LDB2: variants seen among roughly 807,000 people sequenced by gnomAD.
LDB2 encodes the protein LIM domain-binding protein 2.
A neutral mutation model predicts 44.3 loss-of-function variants in LDB2; 12 were observed. The ratio of observed to expected loss-of-function variants is 0.27; its 90% confidence interval spans 0.17 to 0.44. The LOEUF is 0.44. LDB2 is among the 20% of genes least tolerant of loss of function. LDB2 has a pLI of 1.00. For missense variants in LDB2, 344 were observed against 473.5 expected (o/e 0.73, Z 2.54); for synonymous variants, 164 against 174.8 (o/e 0.94, Z 0.49).
At chr4:16,754,218 G>A (rs1361739545) in intron 2 of LDB2, among the ~76,000 whole-genome samples, 1 of 152,164 alleles carries the variant, frequency 6.6e-6, no homozygotes, top group Non-Finnish European at 1.5e-5. Context: ...AGAAGCGAGA[G>A]TGGGTTTCTG....
intron 2 of LDB2, among the ~76,000 whole-genome samples, chr4:16,735,439 A>C (rs1471165106): frequency 1.3e-5 from 2 of 152,168 alleles, no homozygotes; most frequent in Non-Finnish European, 2.9e-5. Flanking sequence ...TCCACATTTT[A>C]ATGTGTAGTT....
At chr4:16,791,912 T>C (rs1477292425) in intron 1 of LDB2, among the ~76,000 whole-genome samples, 1 of 152,220 alleles carries the variant, frequency 6.6e-6, no homozygotes. Context: ...TGGTGGTACC[T>C]ATTTACATGG....
chr4:16,854,217 G>A (rs1328680923), intron 1 of LDB2, among the ~76,000 whole-genome samples: 1 of 151,864 alleles, frequency 6.6e-6, no homozygotes, highest in East Asian at 1.9e-4. Flanking sequence ...TACTATAGTA[G>A]CCTTTATACT....
At chr4:16,767,967 G>A (rs1769728709) in intron 1 of LDB2, among the ~76,000 whole-genome samples, 1 of 152,128 alleles carries the variant, frequency 6.6e-6, no homozygotes, top group Admixed American at 6.5e-5. Flanking sequence ...ATTCTCTCCT[G>A]TTCCCAACCC....
chr4:16,717,030 T>G (rs1757196286), intron 2 of LDB2, among the ~76,000 whole-genome samples: 1 of 151,986 alleles, frequency 6.6e-6, no homozygotes, highest in African/African-American at 2.4e-5. Flanking sequence ...TAAAAGACTT[T>G]AATATATTAG....
intron 1 of LDB2, among the ~76,000 whole-genome samples, chr4:16,881,824 T>C (rs891065177): frequency 6.6e-6 from 1 of 152,160 alleles, no homozygotes; most frequent in African/African-American, 2.4e-5. Context: ...TAGATTACAA[T>C]AAGTTAAGAG....
At chr4:16,557,118 C>T (rs181879856) in intron 5 of LDB2, among the ~76,000 whole-genome samples, 8 of 152,272 alleles carry the variant, frequency 5.3e-5, no homozygotes, top group East Asian at 1.9e-4. Flanking sequence ...ATAGGAACAG[C>T]GCCGGTCTAT....
chr4:16,535,983 A>G (rs143107516), intron 5 of LDB2, among the ~76,000 whole-genome samples: 2 of 152,316 alleles, frequency 1.3e-5, no homozygotes, highest in Non-Finnish European at 2.9e-5. Context: ...CTTGCAAATA[A>G]GCCTCAAGGT....
At chr4:16,809,142 C>G (rs1779311559) in intron 1 of LDB2, among the ~76,000 whole-genome samples, 1 of 152,112 alleles carries the variant, frequency 6.6e-6, no homozygotes. Context: ...TTGAAAAGAG[C>G]CTGGGCCCCT....
intron 5 of LDB2, among the ~76,000 whole-genome samples, chr4:16,549,936 G>A (rs530021693): frequency 3.9e-5 from 6 of 152,316 alleles, no homozygotes; most frequent in Admixed American, 2.6e-4. Flanking sequence ...CAAGTGGTGT[G>A]CAAGTCACCT....
chr4:16,504,827 A>G (rs1455591946), intron 7 of LDB2, among the ~76,000 whole-genome samples: 2 of 152,252 alleles, frequency 1.3e-5, no homozygotes, highest in African/African-American at 4.8e-5. Flanking sequence ...GATGGAAAGA[A>G]TAGGGCTAGG....
intron 1 of LDB2, among the ~76,000 whole-genome samples, chr4:16,808,176 C>T (rs1779144634): frequency 6.6e-6 from 1 of 152,142 alleles, no homozygotes; most frequent in South Asian, 2.1e-4. Context: ...TTCCGATACG[C>T]CCCTCTGGAA....
intron 1 of LDB2, among the ~76,000 whole-genome samples, chr4:16,796,262 G>T (rs993620410): frequency 6.6e-6 from 1 of 152,170 alleles, no homozygotes; most frequent in Non-Finnish European, 1.5e-5. Flanking sequence ...TCCAGCCTGG[G>T]CAACAAAGTG....
intron 1 of LDB2, among the ~76,000 whole-genome samples, chr4:16,834,379 C>T (rs1784548222): frequency 6.6e-6 from 1 of 152,226 alleles, no homozygotes; most frequent in South Asian, 2.1e-4. Context: ...TCTGACATCA[C>T]TGTGCCATCA....
intron 1 of LDB2, among the ~76,000 whole-genome samples, chr4:16,861,624 G>A (rs1712578519): frequency 1.3e-5 from 2 of 152,164 alleles, no homozygotes; most frequent in South Asian, 4.2e-4. Flanking sequence ...TCTAATCACA[G>A]GGATTATCAC....
intron 2 of LDB2, among the ~76,000 whole-genome samples, chr4:16,611,634 T>C (rs1266397841): frequency 6.6e-6 from 1 of 151,798 alleles, no homozygotes; most frequent in Non-Finnish European, 1.5e-5. Flanking sequence ...TACATAGTGG[T>C]AAACGGAGCA....
chr4:16,673,054 CCTT>C (rs1054169557), intron 2 of LDB2, among the ~76,000 whole-genome samples: 1 of 151,982 alleles, frequency 6.6e-6, no homozygotes, highest in African/African-American at 2.4e-5. Flanking sequence ...CTCCCTCCAT[CCTT>C]CTTTTCTTTC....
chr4:16,608,822 C>T (rs1489789967), intron 2 of LDB2, among the ~76,000 whole-genome samples: 1 of 152,148 alleles, frequency 6.6e-6, no homozygotes. Context: ...GAGAGGAACA[C>T]CAGACATCTG....
At chr4:16,568,319 G>A (rs570129191) in intron 5 of LDB2, among the ~76,000 whole-genome samples, 3 of 152,122 alleles carry the variant, frequency 2.0e-5, no homozygotes, top group Non-Finnish European at 4.4e-5. Flanking sequence ...TTCAGATATC[G>A]AGTAGCTTAA....
Sources: allele counts gnomAD v4.1 joint callset (sites outside exome capture counted in the v4.1 genomes callset), GRCh38; gene constraint gnomAD v4.1.1; transcripts MANE v1.5; gene names NCBI Gene and HGNC (gene_info 2026-07-23, HGNC 2026-07-21).